The following RBMS3 variants were observed in gnomAD, a reference collection of about 807,000 sequenced individuals.
The protein encoded by RBMS3 is RNA-binding motif, single-stranded-interacting protein 3.
In RBMS3, 27 loss-of-function variants were observed where a neutral mutation model predicts 66.8. The ratio of observed to expected loss-of-function variants is 0.40; its 90% CI spans 0.30 to 0.56. The LOEUF is 0.56. RBMS3 is among the 20% of genes least tolerant of loss of function. The pLI, the probability that RBMS3 is intolerant of heterozygous loss-of-function variation, is 0.40. For missense variants in RBMS3, 513 were observed against 549.5 expected, an observed-to-expected ratio of 0.93 and a Z score of 0.66; for synonymous variants, 188 against 183.0, an observed-to-expected ratio of 1.03 and a Z score of -0.22.
At chr3:29,511,747 A>G (rs2044422849) in intron 3 of RBMS3, among the ~76,000 whole-genome samples, 1 of 152,186 alleles carries the variant, frequency 6.6e-6, no homozygotes. Context: ...ATTTATAAGA[A>G]TAATAACAAA....
At chr3:29,804,920 C>CGTGTGT (rs10576635) in intron 6 of RBMS3, among the ~76,000 whole-genome samples, 1,665 of 146,410 alleles carry the variant, frequency 0.011, 16 homozygotes, top group South Asian at 0.025. Flanking sequence ...TCTGCGTGTA[C>CGTGTGT]GTGTGTGTGT....
intron 4 of RBMS3, among the ~76,000 whole-genome samples, chr3:29,739,458 G>GAAAAAAAAAAAAAAAAAAAAAAAAA (rs56861996): frequency 7.7e-6 from 1 of 129,622 alleles, no homozygotes; most frequent in Non-Finnish European, 1.6e-5. Context: ...TCCGTCTCAA[G>GAAAAAAAAAAAAAAAAAAAAAAAAA]AAAAAAAAAA....
At chr3:29,637,837 TA>T (rs1208240318) in intron 4 of RBMS3, among the ~76,000 whole-genome samples, 1 of 151,754 alleles carries the variant, frequency 6.6e-6, no homozygotes, top group Admixed American at 6.6e-5. Context: ...CTAATAGCAT[TA>T]AAAGCAATAA....
intron 6 of RBMS3, among the ~76,000 whole-genome samples, chr3:29,818,285 A>G (rs1279162064): frequency 6.6e-6 from 1 of 151,820 alleles, no homozygotes; most frequent in Non-Finnish European, 1.5e-5. Flanking sequence ...TTCTCCTTTC[A>G]TTTAGTTACT....
chr3:29,583,670 G>T (rs1319367401), intron 3 of RBMS3, among the ~76,000 whole-genome samples: 2 of 151,968 alleles, frequency 1.3e-5, no homozygotes, highest in South Asian at 4.2e-4. Flanking sequence ...TTCTAGATAC[G>T]CCCACCCTTC....
At chr3:29,767,969 G>T (rs2056007148) in intron 6 of RBMS3, among the ~76,000 whole-genome samples, 1 of 151,896 alleles carries the variant, frequency 6.6e-6, no homozygotes, top group Non-Finnish European at 1.5e-5. Flanking sequence ...ATATAGTTGG[G>T]CAAAAAATAT....
chr3:29,325,657 CACACACAT>C (rs1366973533), intron 1 of RBMS3, among the ~76,000 whole-genome samples: 179 of 147,946 alleles, frequency 1.2e-3, no homozygotes, highest in African/African-American at 3.8e-3. Context: ...CACACACACA[CACACACAT>C]ACACACACAT....
At chr3:29,344,762 A>G (rs1013631118) in intron 1 of RBMS3, among the ~76,000 whole-genome samples, 4 of 152,156 alleles carry the variant, frequency 2.6e-5, no homozygotes, top group Non-Finnish European at 4.4e-5. Context: ...TTTCATGTAC[A>G]TATTTCCCTT....
At chr3:29,337,775 T>A (rs1308594226) in intron 1 of RBMS3, among the ~76,000 whole-genome samples, 1 of 152,052 alleles carries the variant, frequency 6.6e-6, no homozygotes, top group Non-Finnish European at 1.5e-5. Context: ...AAAGCACAAA[T>A]AAAAAACAAC....
intron 2 of RBMS3, among the ~76,000 whole-genome samples, chr3:29,482,701 C>CTTTCTTTCTTTTTTTTTT (rs759435190): frequency 2.6e-5 from 2 of 77,512 alleles, no homozygotes; most frequent in Non-Finnish European, 4.6e-5. Flanking sequence ...TTCTTTCTTT[C>CTTTCTTTCTTTTTTTTTT]TTTTTTTTTT....
chr3:29,803,301 C>T lies in RBMS3; in HGVS notation c.637+40312C>T, dbSNP rs2057445604. 2.0e-5 allele frequency among the ~76,000 whole-genome samples: 3 copies of T among 152,060 alleles called. No individual in the cohort carries two copies. The South Asian group carries it at 6.2e-4, about 32-fold the overall frequency. ...ATAACCCGCGGCTATGCTTATATTT[C>T]CTGGGTTATTTTTTAGATTGAAATT... On this transcript the variant is annotated intron_variant, in intron 6 of 14. Transcript: ENST00000383767.
At chr3:29,660,939 G>A (rs1368304351) in intron 4 of RBMS3, among the ~76,000 whole-genome samples, 1 of 152,196 alleles carries the variant, frequency 6.6e-6, no homozygotes, top group Non-Finnish European at 1.5e-5. Context: ...TTCTTTGTCT[G>A]CACTTTTGTA....
chr3:29,386,109 A>G (rs1376073366), intron 1 of RBMS3, among the ~76,000 whole-genome samples: 1 of 152,090 alleles, frequency 6.6e-6, no homozygotes, highest in East Asian at 1.9e-4. Context: ...CTCTGGTAAA[A>G]TCCTAATTAT....
At chr3:29,957,471 T>C (rs1424054736) in intron 12 of RBMS3, among the ~76,000 whole-genome samples, 1 of 152,096 alleles carries the variant, frequency 6.6e-6, no homozygotes, top group East Asian at 1.9e-4. Flanking sequence ...TCTGGAAATG[T>C]GAATGAACAA....
At chr3:29,909,137 A>G (rs1007875975) in intron 10 of RBMS3, among the ~76,000 whole-genome samples, 2 of 152,160 alleles carry the variant, frequency 1.3e-5, no homozygotes, top group African/African-American at 4.8e-5. Context: ...TGAAATGTTT[A>G]TATTAGAGAA....
At chr3:29,994,940 T>TGAGAGAAGAAGGCTTC (rs1699120014) in intron 14 of RBMS3, among the ~76,000 whole-genome samples, 1 of 152,192 alleles carries the variant, frequency 6.6e-6, no homozygotes, top group Non-Finnish European at 1.5e-5. Flanking sequence ...TTTGACGAGC[T>TGAGAGAAGAAGGCTTC]GAGAGAAGAA....
At chr3:29,710,913 G>C (rs2149305870) in intron 4 of RBMS3, among the ~76,000 whole-genome samples, 1 of 152,138 alleles carries the variant, frequency 6.6e-6, no homozygotes, top group South Asian at 2.1e-4. Flanking sequence ...TACTATACAT[G>C]CCAAGAGACA....
intron 3 of RBMS3, among the ~76,000 whole-genome samples, chr3:29,535,916 C>T (rs1045477230): frequency 6.6e-6 from 1 of 151,770 alleles, no homozygotes; most frequent in Non-Finnish European, 1.5e-5. Flanking sequence ...CTATTAATTA[C>T]ATACATTTCA....
intron 8 of RBMS3, 45 bp from the exon 9 acceptor site, chr3:29,897,334 C>A (rs1577091604): frequency 1.3e-6 from 2 of 1,531,390 alleles, no homozygotes; most frequent in East Asian, 2.3e-5. Flanking sequence ...AGAGGCCAGG[C>A]ATGTAGCAGC....
Sources: allele counts gnomAD v4.1 joint callset (sites outside exome capture counted in the v4.1 genomes callset), GRCh38; gene constraint gnomAD v4.1.1; transcripts MANE v1.5; gene names NCBI Gene and HGNC (gene_info 2026-07-23, HGNC 2026-07-21).